The following SMG7 variants were observed in gnomAD, a reference collection of about 807,000 sequenced individuals.
SMG7 encodes nonsense-mediated mRNA decay factor SMG7.
SMG7 carries 34 observed loss-of-function variants against 148.2 expected under a neutral mutation model. That is an observed-to-expected ratio of 0.23 (90% confidence interval 0.17 to 0.31). The LOEUF is 0.31. Ranked by LOEUF, SMG7 falls within the 10% of genes least tolerant of loss-of-function variation. The probability of loss-of-function intolerance (pLI) is 1.00; values close to 1 mark genes in which losing one functional copy is unlikely to be tolerated. For missense variants in SMG7, 1,114 were observed against 1,408.4 expected, an observed-to-expected ratio of 0.79 and a Z score of 3.35; for synonymous variants, 492 against 515.1, an observed-to-expected ratio of 0.96 and a Z score of 0.61.
chr1:183,514,620 A>C (rs939539231), intron 2 of SMG7, among the ~76,000 whole-genome samples: 3 of 152,258 alleles, frequency 2.0e-5, no homozygotes, highest in African/African-American at 7.2e-5. Context: ...AAATAGTCTT[A>C]GGGTTTGACC....
At chr1:183,497,482 G>A (rs1044649215) in intron 1 of SMG7, among the ~76,000 whole-genome samples, 1 of 152,184 alleles carries the variant, frequency 6.6e-6, no homozygotes, top group African/African-American at 2.4e-5. Context: ...ATGCCAAGAG[G>A]TGTGTGATTC....
At position 183,550,933 on chromosome 1, in the gene SMG7, A is replaced by G. The variant is rs776064845; in HGVS notation, c.3304+12A>G. The G allele has an allele frequency of 3.7e-6, 6 of 1,614,058 alleles. No homozygotes were observed. In the South Asian group the frequency reaches 6.6e-5, roughly 18 times the overall value. ...AACTGATAAGCCAGGTGAGATCTAC[A>G]TTTCATTGCCAGGCAAAATTGAAAG... On this transcript the variant is annotated intron_variant, in intron 21 of 22. Transcript: ENST00000688051.
chr1:183,549,000 C>T (rs1670472497), intron 18 of SMG7: 1 of 573,884 alleles, frequency 1.7e-6, no homozygotes, highest in Non-Finnish European at 3.1e-6. Context: ...TAGGTTTGAT[C>T]TAAAAGGAGG....
chr1:183,538,263 A>T (rs34592636), intron 11 of SMG7, 117 bp from the exon 12 acceptor site: 36 of 700,740 alleles, frequency 5.1e-5, no homozygotes, highest in Non-Finnish European at 8.8e-5. Context: ...AGAGCAGAGA[A>T]CAATAAGCAT....
intron 1 of SMG7, among the ~76,000 whole-genome samples, chr1:183,497,569 T>A (rs1271816331): frequency 1.3e-5 from 2 of 152,116 alleles, no homozygotes; most frequent in Non-Finnish European, 2.9e-5. Context: ...ATTTTTTATT[T>A]TATTTATTTA....
At chr1:183,542,721 T>C (rs533705356) in intron 14 of SMG7, among the ~76,000 whole-genome samples, 2 of 152,326 alleles carry the variant, frequency 1.3e-5, no homozygotes, top group East Asian at 1.9e-4. Context: ...TTTGACACTT[T>C]CGTCAGTCTT....
At chr1:183,534,790 C>A (rs1667448760) in intron 10 of SMG7, among the ~76,000 whole-genome samples, 1 of 151,982 alleles carries the variant, frequency 6.6e-6, no homozygotes, top group South Asian at 2.1e-4. Flanking sequence ...TCGCTTGAAC[C>A]CAGGAAGCAG....
At chr1:183,481,576 A>G (rs185016378) in intron 1 of SMG7, among the ~76,000 whole-genome samples, 1 of 152,300 alleles carries the variant, frequency 6.6e-6, no homozygotes, top group East Asian at 1.9e-4. Flanking sequence ...TGTTTTTGCA[A>G]AACATTTAGG....
In SMG7 at chr1:183,505,552, C is replaced by G. The variant is rs186930165; in HGVS notation, c.30-7285C>G. 1.4e-3 allele frequency among the ~76,000 whole-genome samples: 218 copies of G among 152,346 alleles called. 2 individuals carry two copies. Among genetic ancestry groups the G allele is most frequent in the African/African-American group, 5.1e-3 (211 of 41,590 alleles). On this transcript the variant is annotated intron_variant, in intron 1 of 22. Transcript: ENST00000688051. Reference sequence around the variant, plus strand: ...CATGGTTTTAACTGCCATCAATGTACTGATCACGTCAGTGCTGTATCCCTA... The same window carrying G: ...CATGGTTTTAACTGCCATCAATGTAGTGATCACGTCAGTGCTGTATCCCTA...
At chr1:183,508,873 A>G (rs539933554) in intron 1 of SMG7, among the ~76,000 whole-genome samples, 5 of 152,374 alleles carry the variant, frequency 3.3e-5, no homozygotes, top group South Asian at 2.1e-4. Context: ...ACTTTGTGAC[A>G]AGATCAAGAT....
chr1:183,530,452 T>C (rs534969719), intron 8 of SMG7, among the ~76,000 whole-genome samples: 1 of 152,262 alleles, frequency 6.6e-6, no homozygotes, highest in African/African-American at 2.4e-5. Context: ...ATAGCAATAG[T>C]TTGTTTTGTT....
chr1:183,476,995 T>C (rs939384361), intron 1 of SMG7, among the ~76,000 whole-genome samples: 2 of 152,138 alleles, frequency 1.3e-5, no homozygotes, highest in Non-Finnish European at 2.9e-5. Context: ...AATATTATGC[T>C]TTAAAATAAT....
chr1:183,509,336 C>T (rs561961503), intron 1 of SMG7, among the ~76,000 whole-genome samples: 1 of 152,068 alleles, frequency 6.6e-6, no homozygotes. Context: ...GTGAATGTTC[C>T]TAGATAAGCC....
Position 183,554,019 on chromosome 1 carries a change from T to C in SMG7, c.*2088T>C, listed in dbSNP as rs528631030. 1 of 152,768 alleles carries C rather than the reference T, an allele frequency of 6.5e-6. No individual in the cohort carries two copies. Among genetic ancestry groups the C allele is most frequent in the South Asian group, 2.1e-4 (1 of 4,820 alleles). The allele number at this position is 152,768 out of a possible 1,614,324, so 9.5% of individuals were successfully genotyped here. On this transcript the variant is annotated 3_prime_UTR_variant, in exon 23 of 23. Coordinates refer to ENST00000688051, the MANE Select transcript of SMG7 (RefSeq NM_001375584.1). ...ATTCCTCGCCTTATCATCCTCACTG[T>C]GGAGTAATGAGGGGGAGGAGAATCT...
chr1:183,529,356 T>C, intron 7 of SMG7, 42 bp from the exon 8 acceptor site: 1 of 1,600,916 alleles, frequency 6.2e-7, no homozygotes, highest in Non-Finnish European at 8.5e-7. Flanking sequence ...TTGTAGCCAA[T>C]TTGCTGCTTA....
chr1:183,550,673 G>T, intron 20 of SMG7, 78 bp from the exon 21 acceptor site: 1 of 1,410,396 alleles, frequency 7.1e-7, no homozygotes, highest in Non-Finnish European at 9.9e-7. Context: ...TTAGTGATCA[G>T]ATCTACAGGA....
chr1:183,526,998 T>C (rs761670630), intron 5 of SMG7, among the ~76,000 whole-genome samples: 1 of 152,178 alleles, frequency 6.6e-6, no homozygotes, highest in Non-Finnish European at 1.5e-5. Context: ...TATTCCAACT[T>C]TATGTAATTT....
At chr1:183,511,035 G>A (rs773724839) in intron 1 of SMG7, among the ~76,000 whole-genome samples, 39 of 151,892 alleles carry the variant, frequency 2.6e-4, no homozygotes, top group Non-Finnish European at 4.6e-4. Flanking sequence ...TGTGGCATGC[G>A]CCTGTAATCC....
At chr1:183,516,673 T>C (rs1663621358) in intron 3 of SMG7, among the ~76,000 whole-genome samples, 1 of 152,204 alleles carries the variant, frequency 6.6e-6, no homozygotes, top group Admixed American at 6.5e-5. Context: ...TACCCTAAGT[T>C]TTGGTGAAGA....
Sources: allele counts gnomAD v4.1 joint callset (sites outside exome capture counted in the v4.1 genomes callset), GRCh38; gene constraint gnomAD v4.1.1; transcripts MANE v1.5; gene names NCBI Gene and HGNC (gene_info 2026-07-23, HGNC 2026-07-21).